The following PIK3CA variants were observed in gnomAD, a reference collection of about 807,000 sequenced individuals.
PIK3CA encodes the protein phosphatidylinositol 4,5-bisphosphate 3-kinase catalytic subunit alpha isoform.
In PIK3CA, 27 loss-of-function variants were observed where a neutral mutation model predicts 138.2. The observed-to-expected ratio is 0.20, with a 90% CI of 0.14 to 0.27. The LOEUF is 0.27. Ranked by LOEUF, PIK3CA falls within the 10% of genes least tolerant of loss-of-function variation. PIK3CA has a pLI of 1.00. For missense variants in PIK3CA, 544 were observed against 1,277.4 expected, an observed-to-expected ratio of 0.43 and a Z score of 8.75; for synonymous variants, 358 against 413.2, an observed-to-expected ratio of 0.87 and a Z score of 1.62.
intron 1 of PIK3CA, chr3:179,149,823 G>C (rs1458386715): frequency 6.6e-6 from 1 of 152,176 alleles, no homozygotes; most frequent in African/African-American, 2.4e-5. Context: ...GAATTTTTCT[G>C]AGTATTTGCT....
At chr3:179,161,958 A>C (rs542617708) in intron 1 of PIK3CA, among the ~76,000 whole-genome samples, 1 of 152,316 alleles carries the variant, frequency 6.6e-6, no homozygotes, top group Non-Finnish European at 1.5e-5. Flanking sequence ...CCTATAATTG[A>C]CAATGTGGTA....
At chr3:179,190,632 CTTT>C (rs1215291671) in intron 1 of PIK3CA, among the ~76,000 whole-genome samples, 1 of 150,944 alleles carries the variant, frequency 6.6e-6, no homozygotes, top group Non-Finnish European at 1.5e-5. Flanking sequence ...ATCAGAAAAG[CTTT>C]TTTTTTCTCT....
chr3:179,171,773 C>T (rs1009601615), intron 1 of PIK3CA, among the ~76,000 whole-genome samples: 1 of 151,912 alleles, frequency 6.6e-6, no homozygotes, highest in Non-Finnish European at 1.5e-5. Context: ...AAAATCTGGG[C>T]TTTAATGGCA....
rs140786287 is a variant in PIK3CA, at chr3:179,167,985, T to TC, written c.-77+19384dup. ...TGCTTCAAACCTGTTGTATTGTTTT[T>TC]CCTGAATACTTTTTACTCTGGAATT... On this transcript the variant is annotated intron_variant, in intron 1 of 20. Coordinates refer to ENST00000263967, the MANE Select transcript of PIK3CA (RefSeq NM_006218.4). Among the ~76,000 whole-genome samples, 442 of 152,336 alleles carry TC rather than the reference T, an allele frequency of 2.9e-3. 1 individual carries two copies. The highest frequency in any genetic ancestry group is 9.6e-3 in the African/African-American group (400 of 41,598).
intron 1 of PIK3CA, among the ~76,000 whole-genome samples, chr3:179,179,337 C>A (rs1723782136): frequency 6.6e-6 from 1 of 152,152 alleles, no homozygotes; most frequent in African/African-American, 2.4e-5. Context: ...ATTGATGAAT[C>A]CCAACCTGTT....
intron 14 of PIK3CA, among the ~76,000 whole-genome samples, chr3:179,222,024 A>G (rs1724980603): frequency 6.6e-6 from 1 of 151,922 alleles, no homozygotes; most frequent in Non-Finnish European, 1.5e-5. Context: ...AAACTTTTTT[A>G]TGACCTTTTC....
chr3:179,154,591 ATG>A (rs74328671), intron 1 of PIK3CA, among the ~76,000 whole-genome samples: 15,004 of 152,194 alleles, frequency 0.099, 1,178 homozygotes, highest in African/African-American at 0.2. Flanking sequence ...GTATATGTAT[ATG>A]GTGGGGGACA....
rs1725340298 is a variant in PIK3CA at position 179,236,747 on chromosome 3, A to G, written c.*2383A>G. ...TTACTACAACCAAATTAATTCTATT[A>G]GAAGAAATGTAGACAAATTCTATAA... On this transcript the variant is annotated 3_prime_UTR_variant, in exon 21 of 21. Coordinates refer to ENST00000263967, the MANE Select transcript of PIK3CA (RefSeq NM_006218.4). 1 of 220,908 alleles carries G rather than the reference A, an allele frequency of 4.5e-6. No homozygotes were observed. Among genetic ancestry groups the G allele is most frequent in the Non-Finnish European group, 9.2e-6 (1 of 109,070 alleles). 13.7% of individuals were successfully genotyped at this position (220,908 alleles called of 1,614,324 possible). A position where few individuals can be genotyped will look rare whatever the true frequency, so the allele number is the denominator to read the frequency against.
rs1298513113 is a variant in PIK3CA, at chr3:179,234,387, G to A, written c.*23G>A. On this transcript the variant is annotated 3_prime_UTR_variant, in exon 21 of 21. Transcript: ENST00000263967. The surrounding 1 kb of genome is among the most constrained non-coding windows in gnomAD (Gnocchi z 5.1). ...TGAAAAGATAACTGAGAAAATGAAA[G>A]CTCACTCTGGATTCCACACTGCACT... 1 of 1,580,958 alleles carries A rather than the reference G, an allele frequency of 6.3e-7. No homozygotes were observed. Among genetic ancestry groups the A allele is most frequent in the Non-Finnish European group, 8.6e-7 (1 of 1,160,678 alleles).
At chr3:179,180,695 A>T (rs1723819248) in intron 1 of PIK3CA, among the ~76,000 whole-genome samples, 1 of 152,212 alleles carries the variant, frequency 6.6e-6, no homozygotes, top group South Asian at 2.1e-4. Context: ...CCACATTTGA[A>T]TAATGAGCAG....
chr3:179,230,874 T>G lies in PIK3CA; in HGVS notation c.2936+498T>G, dbSNP rs1725194887. 6.6e-6 allele frequency among the ~76,000 whole-genome samples: 1 copy of G among 152,208 alleles called. No homozygotes were observed. Among genetic ancestry groups the G allele is most frequent in the African/African-American group, 2.4e-5 (1 of 41,460 alleles). ...GGGGTACACGTGGTTTTTGATTACA[T>G]GGATGAATTAAATAGTGGTAAAGTC... On this transcript the variant is annotated intron_variant, in intron 20 of 20. Coordinates refer to ENST00000263967, the MANE Select transcript of PIK3CA (RefSeq NM_006218.4). This position sits in a 1 kb window ranked among gnomAD's most constrained non-coding sequence, Gnocchi z 5.4.
intron 1 of PIK3CA, among the ~76,000 whole-genome samples, chr3:179,151,672 T>G (rs188222360): frequency 6.6e-5 from 10 of 152,310 alleles, no homozygotes; most frequent in Non-Finnish European, 1.0e-4. Context: ...GGTCCTTGCT[T>G]CTTTCTCTAG....
chr3:179,228,910 T>G (rs1013559481), intron 17 of PIK3CA, among the ~76,000 whole-genome samples: 2 of 152,132 alleles, frequency 1.3e-5, no homozygotes, highest in Admixed American at 6.6e-5. Context: ...GAGACCAAAA[T>G]TGAGAACTTC....
intron 9 of PIK3CA, among the ~76,000 whole-genome samples, chr3:179,217,193 A>G (rs1724855139): frequency 6.6e-6 from 1 of 152,106 alleles, no homozygotes; most frequent in South Asian, 2.1e-4. Flanking sequence ...CCCAAATCTT[A>G]GTGTGGATAA....
At chr3:179,224,460 T>C (rs1382756988) in intron 15 of PIK3CA, among the ~76,000 whole-genome samples, 2 of 146,286 alleles carry the variant, frequency 1.4e-5, no homozygotes, top group Non-Finnish European at 3.0e-5. Flanking sequence ...GTAATATCTG[T>C]AAAACTAATG....
At chr3:179,165,815 T>G (rs952570775) in intron 1 of PIK3CA, among the ~76,000 whole-genome samples, 4 of 152,202 alleles carry the variant, frequency 2.6e-5, no homozygotes, top group Non-Finnish European at 1.5e-5. Context: ...CATGCTGTTC[T>G]GTGGTTCACA....
In PIK3CA at chr3:179,239,442, T is replaced by A. The variant is rs1725396685; in HGVS notation, c.*5078T>A. 1 of 196,754 alleles carries A rather than the reference T, an allele frequency of 5.1e-6. No individual in the cohort carries two copies. Among genetic ancestry groups the A allele is most frequent in the Admixed American group, 6.1e-5 (1 of 16,474 alleles). 12.2% of individuals were successfully genotyped at this position (196,754 alleles called of 1,614,324 possible). The stretch of plus-strand genomic sequence containing the variant: ...AATCATTATCTATTTATTTCATTTT[T>A]ATTTAATTTTGTTTTTATTTCATTT... On this transcript the variant is annotated 3_prime_UTR_variant, in exon 21 of 21. Coordinates refer to ENST00000263967, the MANE Select transcript of PIK3CA (RefSeq NM_006218.4).
At chr3:179,182,303 G>A (rs144145180) in intron 1 of PIK3CA, among the ~76,000 whole-genome samples, 2 of 152,166 alleles carry the variant, frequency 1.3e-5, no homozygotes, top group African/African-American at 4.8e-5. Context: ...TTAAATCATT[G>A]TAAGTAATTT....
intron 1 of PIK3CA, among the ~76,000 whole-genome samples, chr3:179,164,100 A>C (rs538917304): frequency 2.8e-4 from 42 of 152,330 alleles, no homozygotes; most frequent in Non-Finnish European, 4.9e-4. Flanking sequence ...ATTTGCGGAA[A>C]TGTTTTTGTA....
Sources: allele counts gnomAD v4.1 joint callset (sites outside exome capture counted in the v4.1 genomes callset), GRCh38; gene constraint gnomAD v4.1.1; non-coding constraint Gnocchi (gnomAD v3.1); transcripts MANE v1.5; gene names NCBI Gene and HGNC (gene_info 2026-07-23, HGNC 2026-07-21).